Variants in NOX4 observed in about 807,000 individuals in gnomAD.
NOX4 encodes kidney oxidase-1.
Under a neutral mutation model 87.6 loss-of-function variants are expected in NOX4, and 69 were observed. That is an observed-to-expected ratio of 0.79 (90% CI 0.65 to 0.96). NOX4 has a LOEUF of 0.96. NOX4 is among the 40% of genes least tolerant of loss of function. The probability of loss-of-function intolerance (pLI) is 0.00; values close to 1 mark genes in which losing one functional copy is unlikely to be tolerated. For synonymous variants in NOX4, 275 were observed against 238.2 expected (o/e 1.15, Z -1.42); for missense variants, 680 against 681.5 (o/e 1.00, Z 0.02).
intron 2 of NOX4, among the ~76,000 whole-genome samples, chr11:89,462,250 A>G (rs964834473): frequency 1.4e-4 from 21 of 152,130 alleles, no homozygotes; most frequent in African/African-American, 5.1e-4. Context: ...TTAATACACC[A>G]TGTTTCATGT....
chr11:89,445,446 G>A (rs1944658803), intron 4 of NOX4, among the ~76,000 whole-genome samples: 1 of 152,096 alleles, frequency 6.6e-6, no homozygotes, highest in Non-Finnish European at 1.5e-5. Flanking sequence ...AATCAAATTA[G>A]AAGTAGGGGA....
rs772575797 is a variant in NOX4 at position 89,451,789 on chromosome 11, T to C, written c.260A>G (p.Gln87Arg). The change falls in exon 3 of 18, where the codon CAG becomes CGG. Residue 87 changes from glutamine (Q) to arginine (R), a missense_variant. Physicochemically the swap from Gln to Arg is conservative, Grantham distance 43 (BLOSUM62 1). Transcript: ENST00000263317. ...RTLLAYLRGSQKVPSRRTRRL... is the reference protein window; with the variant it reads ...RTLLAYLRGSRKVPSRRTRRL... Reference sequence around the variant, plus strand: ...AGTAGGACTGTTTTTTCTTACCTTCTGTGATCCTCGGAGGTAAGCCAAGAG... The same window carrying C: ...AGTAGGACTGTTTTTTCTTACCTTCCGTGATCCTCGGAGGTAAGCCAAGAG... 1.7e-5 allele frequency: 27 copies of C among 1,604,150 alleles called. No individual in the cohort carries two copies. The African/African-American group carries it at 3.1e-4, about 18-fold the overall frequency.
chr11:89,543,560 T>A, the NOX4 span, among the ~76,000 whole-genome samples: 1 of 152,028 alleles, frequency 6.6e-6, no homozygotes, highest in East Asian at 1.9e-4. Context: ...AAGGAGGGTG[T>A]GAGGAGGAAA....
chr11:89,378,119 T>C (rs1413541682), intron 11 of NOX4, among the ~76,000 whole-genome samples: 1 of 152,178 alleles, frequency 6.6e-6, no homozygotes, highest in Non-Finnish European at 1.5e-5. Flanking sequence ...GATTAACCTT[T>C]TGTGTCACCC....
At position 89,394,216 on chromosome 11, in the gene NOX4, C is replaced by T. The variant is rs1941319259; in HGVS notation, c.1074+5801G>A. Among the ~76,000 whole-genome samples, 3 of 152,218 alleles carry T rather than the reference C, an allele frequency of 2.0e-5. No individual in the cohort carries two copies. The South Asian group carries it at 6.2e-4, about 32-fold the overall frequency. On this transcript the variant is annotated intron_variant, in intron 11 of 17. Transcript: ENST00000263317. ...CATAGGTGAAAAATTCTTTGATACA[C>T]TGTTTTAAGAAAGTAAAAAAGTTTT...
the NOX4 span, among the ~76,000 whole-genome samples, chr11:89,530,344 C>CTTTT: frequency 2.3e-5 from 3 of 127,828 alleles, no homozygotes; most frequent in African/African-American, 6.0e-5. Flanking sequence ...GATGTCTATT[C>CTTTT]TTTTTTTTTT....
At chr11:89,337,597 C>A (rs1945771574) in intron 15 of NOX4, 82 bp from the exon 16 acceptor site, 16 of 1,573,948 alleles carry the variant, frequency 1.0e-5, no homozygotes. Context: ...ATACTTGATT[C>A]TAGAATTTAA....
At chr11:89,394,964 C>T (rs972399213) in intron 11 of NOX4, among the ~76,000 whole-genome samples, 2 of 152,094 alleles carry the variant, frequency 1.3e-5, no homozygotes, top group African/African-American at 4.8e-5. Flanking sequence ...AATAAACATA[C>T]GTGTGCATGT....
Position 89,326,761 on chromosome 11 carries a change from T to C in NOX4, c.1732A>G (p.Ser578Gly). 1 of 1,612,514 alleles carries C rather than the reference T, an allele frequency of 6.2e-7. No homozygotes were observed. Among genetic ancestry groups the C allele is most frequent in the Non-Finnish European group, 8.5e-7 (1 of 1,179,174 alleles). ...TRFEYNKESF[S>G] Reference sequence around the variant, plus strand: ...CTGCTTCATGGCAAAAGTTTTCAGCTGAAAGACTCTTTATTGTATTCAAAT... The same window carrying C: ...CTGCTTCATGGCAAAAGTTTTCAGCCGAAAGACTCTTTATTGTATTCAAAT... The change falls in exon 18 of 18, where the codon AGC (serine) becomes GGC (glycine). Residue 578 changes from serine to glycine, a missense_variant. Physicochemically the swap from Ser to Gly is moderately conservative, Grantham distance 56. Coordinates refer to ENST00000263317, the MANE Select transcript of NOX4 (RefSeq NM_016931.5).
At chr11:89,510,783 G>A in the NOX4 span, among the ~76,000 whole-genome samples, 1 of 152,014 alleles carries the variant, frequency 6.6e-6, no homozygotes, top group Non-Finnish European at 1.5e-5. Flanking sequence ...CATATTACTT[G>A]AGAAATATCG....
At chr11:89,566,883 A>G in the NOX4 span, among the ~76,000 whole-genome samples, 1 of 152,112 alleles carries the variant, frequency 6.6e-6, no homozygotes, top group Admixed American at 6.5e-5. Flanking sequence ...ATGGACCTCT[A>G]GAGTATTAAC....
rs1226277531 is a variant in NOX4 at position 89,399,627 on chromosome 11, CT to C, written c.1074+389del. Among the ~76,000 whole-genome samples, 147 of 140,948 alleles carry C rather than the reference CT, an allele frequency of 1.0e-3. 1 individual carries two copies. The highest frequency in any genetic ancestry group is 3.7e-3 in the Middle Eastern group (1 of 270). The allele number at this position is 140,948 out of a possible 152,430, so 92.5% of individuals were successfully genotyped here. On this transcript the variant is annotated intron_variant, in intron 11 of 17. Coordinates refer to ENST00000263317, the MANE Select transcript of NOX4 (RefSeq NM_016931.5). ...TACAGATGTGTACCACCACATCTGG[CT>C]TTTTTTTTTTATTTACTGTAGAAAC...
intron 8 of NOX4, among the ~76,000 whole-genome samples, chr11:89,418,420 G>GAGA (rs1555021494): frequency 3.0e-4 from 28 of 92,278 alleles, no homozygotes; most frequent in South Asian, 1.1e-3. Flanking sequence ...GCTGAACATT[G>GAGA]AGAATAATAA....
Position 89,400,308 on chromosome 11 carries a change from A to C in NOX4, c.918T>G (p.Asn306Lys). 6.2e-7 allele frequency: 1 copy of C among 1,612,970 alleles called. No individual in the cohort carries two copies. Among genetic ancestry groups the C allele is most frequent in the Non-Finnish European group, 8.5e-7 (1 of 1,179,314 alleles). ...TGACCGAAATGATGGTGACTGGCTT[A>C]TTGCTCCGGATATACCTGTAAAGTC... ...AERLYRYIRS[N>K]KPVTIISVMS... The change falls in exon 10 of 18, where the codon AAT (asparagine) becomes AAG (lysine). Residue 306 changes from asparagine (N) to lysine (K), a missense_variant. By Grantham distance (94) the Asn-to-Lys change is moderately conservative. Coordinates refer to ENST00000263317, the MANE Select transcript of NOX4 (RefSeq NM_016931.5).
chr11:89,366,934 C>A lies in NOX4; in HGVS notation c.1135+6498G>T, dbSNP rs1401540410. Reference sequence around the variant, plus strand: ...ATAAAATGAGAAACCAAGGGAAAAACAATTTATCTTCTTTCCTGAGAATGG... The same window carrying A: ...ATAAAATGAGAAACCAAGGGAAAAAAAATTTATCTTCTTTCCTGAGAATGG... On this transcript the variant is annotated intron_variant, in intron 12 of 17. Coordinates refer to ENST00000263317, the MANE Select transcript of NOX4 (RefSeq NM_016931.5). Among the ~76,000 whole-genome samples the A allele has an allele frequency of 3.3e-5, 5 of 152,090 alleles. No individual in the cohort carries two copies. In the East Asian group the frequency reaches 7.8e-4, roughly 24 times the overall value.
intron 17 of NOX4, among the ~76,000 whole-genome samples, chr11:89,330,295 G>C (rs1945415377): frequency 6.6e-6 from 1 of 151,998 alleles, no homozygotes; most frequent in Admixed American, 6.6e-5. Context: ...GTTGCAGTGA[G>C]TCTAGATCAT....
the NOX4 span, among the ~76,000 whole-genome samples, chr11:89,531,362 C>T: frequency 6.6e-6 from 1 of 152,132 alleles, no homozygotes; most frequent in African/African-American, 2.4e-5. Flanking sequence ...TTTAAGACAC[C>T]TAGATTACCA....
intron 15 of NOX4, among the ~76,000 whole-genome samples, chr11:89,338,502 A>G (rs1045879533): frequency 2.6e-5 from 4 of 152,054 alleles, no homozygotes; most frequent in Admixed American, 1.3e-4. Context: ...CTAGGTACAT[A>G]CCTAGAACCA....
At chr11:89,452,688 T>C (rs1205081434) in intron 2 of NOX4, among the ~76,000 whole-genome samples, 1 of 152,090 alleles carries the variant, frequency 6.6e-6, no homozygotes, top group Non-Finnish European at 1.5e-5. Flanking sequence ...ACTTATCATT[T>C]CTTTGTGGTA....
Sources: allele counts gnomAD v4.1 joint callset (sites outside exome capture counted in the v4.1 genomes callset), GRCh38; gene constraint gnomAD v4.1.1; transcripts MANE v1.5; gene names NCBI Gene and HGNC (gene_info 2026-07-23, HGNC 2026-07-21).